Variants in GLRB observed in about 807,000 individuals in gnomAD.
GLRB encodes glycine receptor beta.
Under a neutral mutation model 54.2 loss-of-function variants are expected in GLRB, and 33 were observed. The ratio of observed to expected loss-of-function variants is 0.61; its 90% CI spans 0.46 to 0.81. GLRB has a LOEUF of 0.81. GLRB is among the 40% of genes least tolerant of loss of function. The probability of loss-of-function intolerance (pLI) is 0.00; values close to 1 mark genes in which losing one functional copy is unlikely to be tolerated. For synonymous variants in GLRB, 209 were observed against 208.2 expected (o/e 1.00, Z -0.03); for missense variants, 572 against 584.6 (o/e 0.98, Z 0.22).
chr4:157,087,200 A>ACTGTATT (rs956554058), intron 2 of GLRB, among the ~76,000 whole-genome samples: 4 of 152,148 alleles, frequency 2.6e-5, no homozygotes, highest in African/African-American at 9.7e-5. Flanking sequence ...GTTCACTGGG[A>ACTGTATT]CTGTATTTAG....
intron 9 of GLRB, among the ~76,000 whole-genome samples, chr4:157,159,244 G>A (rs1455794137): frequency 6.6e-6 from 1 of 152,084 alleles, no homozygotes; most frequent in Non-Finnish European, 1.5e-5. Context: ...GAGACAATGG[G>A]GTTTTCTAAA....
chr4:157,152,827 C>T lies in GLRB; in HGVS notation c.1014C>T (p.Leu338=), dbSNP rs1737075459. 3.7e-6 allele frequency: 6 copies of T among 1,613,956 alleles called. No homozygotes were observed. Among genetic ancestry groups the T allele is most frequent in the Non-Finnish European group, 5.1e-6 (6 of 1,179,996 alleles). The change falls in exon 9 of 10, where the codon CTC becomes CTT. Residue 338 remains leucine (L), a synonymous_variant. Transcript: ENST00000264428. ...ATGTTTGGCTTATTGCTTGCCTTCTCTTTGGGTTTGCTTCCCTGGTGGAGT... is the reference window on the plus strand; with the variant it reads ...ATGTTTGGCTTATTGCTTGCCTTCTTTTTGGGTTTGCTTCCCTGGTGGAGT... ...ALDVWLIACL[L]FGFASLVEYA...
chr4:157,089,386 C>T (rs1334412461), intron 2 of GLRB, among the ~76,000 whole-genome samples: 1 of 152,126 alleles, frequency 6.6e-6, no homozygotes, highest in Non-Finnish European at 1.5e-5. Context: ...GCCTGGGCGA[C>T]AGAGGGAGAC....
chr4:157,077,142 C>T (rs575784467), intron 1 of GLRB, among the ~76,000 whole-genome samples: 1 of 152,246 alleles, frequency 6.6e-6, no homozygotes, highest in Admixed American at 6.5e-5. Flanking sequence ...AGAGTTTGAA[C>T]TTCTCTAGTG....
intron 2 of GLRB, among the ~76,000 whole-genome samples, chr4:157,088,807 C>A (rs1255993198): frequency 6.6e-6 from 1 of 151,926 alleles, no homozygotes; most frequent in Non-Finnish European, 1.5e-5. Context: ...CTCTTTTTTT[C>A]CTAAGTGCTT....
intron 3 of GLRB, among the ~76,000 whole-genome samples, chr4:157,122,105 CATT>C (rs1579216532): frequency 7.0e-6 from 1 of 143,094 alleles, no homozygotes; most frequent in East Asian, 2.1e-4. Flanking sequence ...AAAAAAAAAA[CATT>C]ATAAAATATA....
At chr4:157,155,957 T>C (rs1019657645) in intron 9 of GLRB, among the ~76,000 whole-genome samples, 3 of 151,820 alleles carry the variant, frequency 2.0e-5, no homozygotes, top group Non-Finnish European at 4.4e-5. Context: ...TGTCCCTGGG[T>C]ACTGTAGGAG....
At chr4:157,122,883 A>C (rs1032440014) in intron 4 of GLRB, among the ~76,000 whole-genome samples, 2 of 151,730 alleles carry the variant, frequency 1.3e-5, no homozygotes, top group Non-Finnish European at 2.9e-5. Flanking sequence ...AAGATAGGGC[A>C]ATGTGAACGC....
chr4:157,087,211 A>G (rs1734443327), intron 2 of GLRB, among the ~76,000 whole-genome samples: 1 of 152,164 alleles, frequency 6.6e-6, no homozygotes, highest in Admixed American at 6.5e-5. Context: ...CTGTATTTAG[A>G]TGTTTAGAGA....
chr4:157,106,544 G>T (rs1021080772), intron 2 of GLRB, among the ~76,000 whole-genome samples: 4 of 152,046 alleles, frequency 2.6e-5, no homozygotes, highest in African/African-American at 9.7e-5. Flanking sequence ...ATGGGGGCCT[G>T]AATATAATAA....
At chr4:157,121,073 T>G (rs534070149) in intron 3 of GLRB, among the ~76,000 whole-genome samples, 2 of 151,760 alleles carry the variant, frequency 1.3e-5, no homozygotes, top group African/African-American at 4.8e-5. Context: ...AGAACAGTTC[T>G]GATGTATATT....
chr4:157,083,529 A>G (rs966462690), intron 2 of GLRB, among the ~76,000 whole-genome samples: 1 of 152,152 alleles, frequency 6.6e-6, no homozygotes, highest in Non-Finnish European at 1.5e-5. Flanking sequence ...AGCATTACAC[A>G]GGCGGTTAGA....
intron 2 of GLRB, among the ~76,000 whole-genome samples, chr4:157,088,769 A>G (rs926678854): frequency 2.0e-5 from 3 of 152,002 alleles, no homozygotes; most frequent in Admixed American, 6.6e-5. Context: ...TTGCTCCCCT[A>G]TGTTTTAAAT....
At chr4:157,098,669 A>G (rs1024555814) in intron 2 of GLRB, among the ~76,000 whole-genome samples, 1 of 151,918 alleles carries the variant, frequency 6.6e-6, no homozygotes, top group African/African-American at 2.4e-5. Context: ...GGGCAGTGGC[A>G]TGATCTCGGC....
At chr4:157,127,626 A>C (rs998444945) in intron 4 of GLRB, among the ~76,000 whole-genome samples, 1 of 151,856 alleles carries the variant, frequency 6.6e-6, no homozygotes, top group Non-Finnish European at 1.5e-5. Context: ...CAAGTGAACC[A>C]GTGTAATTGA....
At chr4:157,095,957 AG>A (rs1734794818) in intron 2 of GLRB, among the ~76,000 whole-genome samples, 1 of 152,186 alleles carries the variant, frequency 6.6e-6, no homozygotes. Context: ...CTCACAACAT[AG>A]GAACTTTGCC....
At chr4:157,134,107 A>T (rs998012981) in intron 4 of GLRB, among the ~76,000 whole-genome samples, 2 of 152,070 alleles carry the variant, frequency 1.3e-5, no homozygotes, top group Non-Finnish European at 2.9e-5. Flanking sequence ...AGTTATGCAA[A>T]ACATGTTGAA....
At chr4:157,106,339 T>C (rs1332417222) in intron 2 of GLRB, among the ~76,000 whole-genome samples, 2 of 152,158 alleles carry the variant, frequency 1.3e-5, no homozygotes, top group Non-Finnish European at 2.9e-5. Context: ...TCTCTGTTTT[T>C]GCTCTTGACA....
At chr4:157,139,037 T>C in intron 7 of GLRB, 88 bp downstream of exon 7, 2 of 716,106 alleles carry the variant, frequency 2.8e-6, no homozygotes, top group Non-Finnish European at 5.0e-6. Context: ...AGAAAAGAAG[T>C]GGCCAAAACT....
Sources: gnomAD v4.1 joint callset for allele counts (sites outside exome capture counted in the v4.1 genomes callset) on GRCh38, gnomAD v4.1.1 for gene constraint, MANE v1.5 for transcripts, NCBI Gene and HGNC (gene_info 2026-07-23, HGNC 2026-07-21) for gene names.